The following PTK2 variants were observed in gnomAD, a reference collection of about 807,000 sequenced individuals.
PTK2 encodes protein tyrosine kinase 2, also known as focal adhesion kinase 1.
A neutral mutation model predicts 150.1 loss-of-function variants in PTK2; 45 were observed. The observed-to-expected ratio is 0.30, with a 90% confidence interval of 0.24 to 0.38. The LOEUF is 0.38. Among genes scored for constraint, PTK2 ranks in the 10% least tolerant of loss-of-function variants. PTK2 has a pLI of 1.00. For synonymous variants in PTK2, 432 were observed against 449.2 expected, an observed-to-expected ratio of 0.96 and a Z score of 0.48; for missense variants, 919 against 1,307.3, an observed-to-expected ratio of 0.70 and a Z score of 4.58.
intron 10 of PTK2, among the ~76,000 whole-genome samples, chr8:140,807,619 G>A (rs1217730830): frequency 6.6e-6 from 1 of 152,208 alleles, no homozygotes; most frequent in Admixed American, 6.5e-5. Context: ...TCCAGGCTGA[G>A]ATATGCTGGT....
At chr8:140,821,825 G>A (rs1216796521) in intron 8 of PTK2, 2 of 152,216 alleles carry the variant, frequency 1.3e-5, no homozygotes, top group East Asian at 3.8e-4. Context: ...CAGCTTCACA[G>A]AACTTAAACT....
At chr8:140,864,725 C>G (rs973641520) in intron 4 of PTK2, among the ~76,000 whole-genome samples, 1 of 152,134 alleles carries the variant, frequency 6.6e-6, no homozygotes, top group Non-Finnish European at 1.5e-5. Context: ...CGACTTCCCA[C>G]GTCTAAATTT....
chr8:140,959,177 G>A (rs1386774066), intron 1 of PTK2, among the ~76,000 whole-genome samples: 1 of 55,230 alleles, frequency 1.8e-5, no homozygotes, highest in Non-Finnish European at 7.2e-5. Context: ...TGATGGAAAA[G>A]GGAGTAAAAG....
Position 140,989,980 on chromosome 8 carries a change from T to C in PTK2, c.-122+11145A>G, listed in dbSNP as rs186136329. Among the ~76,000 whole-genome samples, 19 of 150,702 alleles carry C rather than the reference T, an allele frequency of 1.3e-4. No individual in the cohort carries two copies. The East Asian group carries it at 2.7e-3, about 22-fold the overall frequency. Reference sequence around the variant, plus strand: ...TATTTAAAACCACAAGGCGGTACACTATATAAACCATCAAAAGGGGTGCAG... The same window carrying C: ...TATTTAAAACCACAAGGCGGTACACCATATAAACCATCAAAAGGGGTGCAG... On this transcript the variant is annotated intron_variant, in intron 1 of 31. Coordinates refer to ENST00000522684, the Ensembl canonical transcript of PTK2.
At chr8:140,982,105 T>C (rs2100191667) in intron 1 of PTK2, among the ~76,000 whole-genome samples, 1 of 148,704 alleles carries the variant, frequency 6.7e-6, no homozygotes, top group African/African-American at 2.5e-5. Flanking sequence ...AAAACAGACA[T>C]GTACTGCTAT....
rs780931637 is a variant in PTK2, at chr8:140,864,315, T to A, written c.447A>T (p.Gln149His). 6.3e-6 allele frequency: 10 copies of A among 1,575,198 alleles called. No individual in the cohort carries two copies. The East Asian group carries it at 2.1e-4, about 32-fold the overall frequency. Residue 149 changes from glutamine (Q) to histidine (H), a missense_variant, in exon 5 of 32, where the codon CAA becomes CAT. By Grantham distance (24) the Gln-to-His change is conservative. Around this residue, in one of 3 missense-constraint regions of PTK2, gnomAD observed 555 missense variants for 880.1 expected, o/e 0.63. Coordinates refer to ENST00000522684, the Ensembl canonical transcript of PTK2. ...ATATGAAAGCAGTCTCTAATACCTG[T>A]TGATAGAAGAAATTCAAAGTTGGCT... is the stretch of plus-strand genomic sequence containing the variant.
At chr8:140,955,560 C>T (rs1226594655) in intron 1 of PTK2, among the ~76,000 whole-genome samples, 1 of 152,048 alleles carries the variant, frequency 6.6e-6, no homozygotes, top group African/African-American at 2.4e-5. Flanking sequence ...AAAACCAAAC[C>T]CACAGGACAG....
intron 3 of PTK2, among the ~76,000 whole-genome samples, chr8:140,889,629 TAA>T (rs78252054): frequency 8.7e-5 from 12 of 138,286 alleles, no homozygotes; most frequent in East Asian, 2.0e-4. Context: ...TTACTTATTG[TAA>T]AAAAAAAAAA....
At chr8:140,867,506 T>C (rs1328810868) in intron 4 of PTK2, among the ~76,000 whole-genome samples, 2 of 152,208 alleles carry the variant, frequency 1.3e-5, no homozygotes, top group Non-Finnish European at 2.9e-5. Context: ...AACTCAAGCC[T>C]GCTTATGTGA....
intron 19 of PTK2, among the ~76,000 whole-genome samples, chr8:140,744,061 GC>G (rs1243827991): frequency 4.6e-5 from 3 of 65,120 alleles, no homozygotes; most frequent in East Asian, 1.1e-3. Context: ...ACAGCTATGA[GC>G]CACCGCGCCC....
At chr8:140,722,566 C>T (rs1028369825) in intron 22 of PTK2, among the ~76,000 whole-genome samples, 2 of 152,180 alleles carry the variant, frequency 1.3e-5, no homozygotes, top group Non-Finnish European at 2.9e-5. Context: ...CCATGCCCAG[C>T]CCCTGTTCTC....
At position 140,951,473 on chromosome 8, in the gene PTK2, G is replaced by T. The variant is rs192610791; in HGVS notation, c.-121-25724C>A. Reference sequence around the variant, plus strand: ...TGGACTGACCATCTGTCCAGAATTTGCGGTGGGGGGGAATTACAGGAACAC... The same window carrying T: ...TGGACTGACCATCTGTCCAGAATTTTCGGTGGGGGGGAATTACAGGAACAC... On this transcript the variant is annotated intron_variant, in intron 1 of 31. Coordinates refer to ENST00000522684, the Ensembl canonical transcript of PTK2. Among the ~76,000 whole-genome samples the T allele has an allele frequency of 1.7e-4, 26 of 152,282 alleles. No homozygotes were observed. In the East Asian group the frequency reaches 4.6e-3, roughly 27 times the overall value.
At chr8:140,872,844 T>A (rs1330750443) in intron 4 of PTK2, among the ~76,000 whole-genome samples, 3 of 152,350 alleles carry the variant, frequency 2.0e-5, no homozygotes, top group Admixed American at 6.5e-5. Context: ...AGGACTTTTT[T>A]AATTGAGGTA....
chr8:140,951,770 G>A (rs1301653660), intron 1 of PTK2, among the ~76,000 whole-genome samples: 2 of 151,964 alleles, frequency 1.3e-5, no homozygotes, highest in Admixed American at 6.6e-5. Flanking sequence ...TATAGTTCCA[G>A]CTACTTGGGA....
chr8:140,759,413 A>G (rs2100067901), intron 16 of PTK2, among the ~76,000 whole-genome samples: 1 of 151,088 alleles, frequency 6.6e-6, no homozygotes, highest in African/African-American at 2.4e-5. Context: ...ACACACTTGT[A>G]GTCCCAGCTA....
chr8:140,675,585 T>G (rs998787395), intron 27 of PTK2, 86 bp from the exon 31 acceptor site: 1 of 1,005,164 alleles, frequency 9.9e-7, no homozygotes, highest in South Asian at 1.4e-5. Context: ...ATCCACCCCC[T>G]TGAACTTCTA....
chr8:140,739,889 A>G (rs114249132), intron 20 of PTK2, among the ~76,000 whole-genome samples: 2,473 of 152,220 alleles, frequency 0.016, 66 homozygotes, highest in African/African-American at 0.055. Context: ...GGAATACTCA[A>G]TTTTTTTGTT....
intron 23 of PTK2, among the ~76,000 whole-genome samples, chr8:140,710,490 G>A (rs2100036208): frequency 6.6e-6 from 1 of 152,108 alleles, no homozygotes; most frequent in Non-Finnish European, 1.5e-5. Context: ...TCAACATGGT[G>A]AAACCCTGTC....
chr8:140,912,424 CTTGAGA>C (rs2100163569), intron 2 of PTK2, among the ~76,000 whole-genome samples: 1 of 151,672 alleles, frequency 6.6e-6, no homozygotes, highest in South Asian at 2.1e-4. Flanking sequence ...AGCCCAGGAG[CTTGAGA>C]TCAGCCTGGG....
Sources: allele counts gnomAD v4.1 joint callset (sites outside exome capture counted in the v4.1 genomes callset), GRCh38; gene constraint gnomAD v4.1.1; regional missense constraint gnomAD v4.1.1; transcripts MANE v1.5; gene names NCBI Gene and HGNC (gene_info 2026-07-23, HGNC 2026-07-21).